RBFOX1: variants seen among roughly 807,000 people sequenced by gnomAD.
RBFOX1 encodes RNA binding protein fox-1 homolog 1.
RBFOX1 carries 8 observed loss-of-function variants against 57.7 expected under a neutral mutation model. That is an observed-to-expected ratio of 0.14 (90% CI 0.08 to 0.25). The LOEUF is 0.25. Among genes scored for constraint, RBFOX1 ranks in the 10% least tolerant of loss-of-function variants. The pLI is 1.00. For missense variants in RBFOX1, 611 were observed against 548.5 expected (o/e 1.11, Z -1.14); for synonymous variants, 326 against 222.4 (o/e 1.47, Z -4.15).
At chr16:6,875,633 T>C (rs993358259) in intron 3 of RBFOX1, among the ~76,000 whole-genome samples, 3 of 152,246 alleles carry the variant, frequency 2.0e-5, no homozygotes, top group Non-Finnish European at 4.4e-5. Context: ...GATCCACATC[T>C]GGATAAAAAT....
intron 14 of RBFOX1, among the ~76,000 whole-genome samples, chr16:7,697,467 C>G (rs980654663): frequency 2.4e-4 from 37 of 152,108 alleles, no homozygotes; most frequent in Non-Finnish European, 1.0e-4. Flanking sequence ...GTAATAGTAA[C>G]TTACTGTCAT....
intron 3 of RBFOX1, among the ~76,000 whole-genome samples, chr16:6,995,324 G>T (rs909357183): frequency 6.7e-6 from 1 of 149,762 alleles, no homozygotes; most frequent in African/African-American, 2.5e-5. Flanking sequence ...GTGTGTGTGT[G>T]TGTGTGTTAG....
intron 3 of RBFOX1, among the ~76,000 whole-genome samples, chr16:6,889,367 C>T (rs750161716): frequency 2.6e-5 from 4 of 152,154 alleles, no homozygotes; most frequent in African/African-American, 4.8e-5. Context: ...GCTCTCTTTT[C>T]CCTCTGCAGT....
chr16:7,155,812 T>C (rs1052966002), intron 4 of RBFOX1, among the ~76,000 whole-genome samples: 1 of 150,540 alleles, frequency 6.6e-6, no homozygotes, highest in Non-Finnish European at 1.5e-5. Context: ...CTAATATTTG[T>C]ATATGTAAAT....
chr16:5,873,567 A>C (rs1408808418), intron 4 of RBFOX1, among the ~76,000 whole-genome samples: 1 of 152,236 alleles, frequency 6.6e-6, no homozygotes, highest in African/African-American at 2.4e-5. Context: ...TGAACGTTTA[A>C]GTGACAGTCT....
chr16:5,770,006 G>C (rs932624794), intron 3 of RBFOX1, among the ~76,000 whole-genome samples: 3 of 152,170 alleles, frequency 2.0e-5, no homozygotes, highest in African/African-American at 7.2e-5. Flanking sequence ...GTTACAGAGG[G>C]TGGAGGCAGA....
chr16:7,307,187 A>C (rs2096209779), intron 4 of RBFOX1, among the ~76,000 whole-genome samples: 1 of 152,208 alleles, frequency 6.6e-6, no homozygotes, highest in Admixed American at 6.5e-5. Context: ...ATAAATCCAC[A>C]AACTCTGACC....
chr16:5,752,278 C>T (rs990187972), intron 3 of RBFOX1, among the ~76,000 whole-genome samples: 10 of 152,092 alleles, frequency 6.6e-5, no homozygotes, highest in East Asian at 1.9e-4. Context: ...TTAGAGGTCA[C>T]GGATTGGAGG....
At position 7,586,249 on chromosome 16, in the gene RBFOX1, G is replaced by C. The variant is rs531534956; in HGVS notation, c.415-998G>C. Among the ~76,000 whole-genome samples, 3 of 152,188 alleles carry C rather than the reference G, an allele frequency of 2.0e-5. No individual in the cohort carries two copies. The East Asian group carries it at 5.8e-4, about 29-fold the overall frequency. ...CAGTTGCTCGTACTTATGCAGGTTAGGCTACTGTACTCAAGAAATGGCCAC... is the reference window on the plus strand; with the variant it reads ...CAGTTGCTCGTACTTATGCAGGTTACGCTACTGTACTCAAGAAATGGCCAC... On this transcript the variant is annotated intron_variant, in intron 6 of 15. Coordinates refer to ENST00000550418, the MANE Select transcript of RBFOX1 (RefSeq NM_018723.4).
intron 4 of RBFOX1, among the ~76,000 whole-genome samples, chr16:7,437,817 C>G (rs893614078): frequency 6.6e-6 from 1 of 151,238 alleles, no homozygotes; most frequent in African/African-American, 2.4e-5. Flanking sequence ...ATGTGCTGGT[C>G]GGCCCCTTCT....
intron 4 of RBFOX1, among the ~76,000 whole-genome samples, chr16:7,369,923 G>T (rs2097536703): frequency 1.3e-5 from 2 of 152,312 alleles, no homozygotes; most frequent in African/African-American, 4.8e-5. Flanking sequence ...ATTGAAGCTT[G>T]GAAATGTTAA....
chr16:7,657,333 CTTA>C (rs1416440904), intron 12 of RBFOX1, among the ~76,000 whole-genome samples: 16 of 152,196 alleles, frequency 1.1e-4, no homozygotes, highest in African/African-American at 3.9e-4. Flanking sequence ...GAGACGGAGT[CTTA>C]CTCTGTCACC....
intron 1 of RBFOX1, among the ~76,000 whole-genome samples, chr16:6,024,167 A>G (rs2095140342): frequency 6.6e-6 from 1 of 152,128 alleles, no homozygotes; most frequent in Non-Finnish European, 1.5e-5. Flanking sequence ...GCTACAGAAG[A>G]GTGTGTTGTC....
chr16:6,933,763 G>T (rs965559195), intron 3 of RBFOX1, among the ~76,000 whole-genome samples: 4 of 152,192 alleles, frequency 2.6e-5, no homozygotes, highest in African/African-American at 9.7e-5. Flanking sequence ...TGGGGAAGAA[G>T]TATGGTCAGA....
chr16:7,561,430 G>A (rs1418995862), intron 5 of RBFOX1, among the ~76,000 whole-genome samples: 1 of 152,132 alleles, frequency 6.6e-6, no homozygotes, highest in South Asian at 2.1e-4. Flanking sequence ...TTCCATTTCC[G>A]AACATATATT....
intron 4 of RBFOX1, among the ~76,000 whole-genome samples, chr16:7,475,417 C>G (rs2062454507): frequency 6.6e-6 from 1 of 151,448 alleles, no homozygotes; most frequent in East Asian, 2.0e-4. Flanking sequence ...CGGGTTCAAG[C>G]AATTCTCCTG....
chr16:6,976,573 A>T (rs145297174), intron 3 of RBFOX1, among the ~76,000 whole-genome samples: 34 of 152,036 alleles, frequency 2.2e-4, no homozygotes, highest in Non-Finnish European at 1.2e-4. Flanking sequence ...GCAAGTGGTG[A>T]AAGAACAGCT....
Position 6,193,055 on chromosome 16 carries a change from T to G in RBFOX1, c.-126-123940T>G, listed in dbSNP as rs112365753. Among the ~76,000 whole-genome samples, 182 of 152,198 alleles carry G rather than the reference T, an allele frequency of 1.2e-3. 1 individual carries two copies. The highest frequency in any genetic ancestry group is 4.3e-3 in the African/African-American group (177 of 41,530). ...TTTGTTCCATGAAGAAATGTATAATTAAAGCAGTTTGTGACGTACCTCCCG... is the reference window on the plus strand; with the variant it reads ...TTTGTTCCATGAAGAAATGTATAATGAAAGCAGTTTGTGACGTACCTCCCG... On this transcript the variant is annotated intron_variant, in intron 1 of 15. Coordinates refer to ENST00000550418, the MANE Select transcript of RBFOX1 (RefSeq NM_018723.4).
intron 4 of RBFOX1, among the ~76,000 whole-genome samples, chr16:7,083,083 C>G (rs2059442141): frequency 6.7e-6 from 1 of 149,782 alleles, no homozygotes; most frequent in African/African-American, 2.5e-5. Flanking sequence ...AAATGTCACT[C>G]TGCTCATTTC....
Sources: allele counts gnomAD v4.1 joint callset (sites outside exome capture counted in the v4.1 genomes callset), GRCh38; gene constraint gnomAD v4.1.1; transcripts MANE v1.5; gene names NCBI Gene and HGNC (gene_info 2026-07-23, HGNC 2026-07-21).